Variants in PDE10A observed in about 807,000 individuals in gnomAD.
The protein encoded by PDE10A is cAMP and cAMP-inhibited cGMP 3',5'-cyclic phosphodiesterase 10A.
In PDE10A, 39 loss-of-function variants were observed where a neutral mutation model predicts 97.7. The observed-to-expected ratio is 0.40, with a 90% confidence interval of 0.31 to 0.52. The LOEUF (loss-of-function observed/expected upper bound fraction) is 0.52. Among genes scored for constraint, PDE10A ranks in the 20% least tolerant of loss-of-function variants. PDE10A has a pLI of 0.56. For missense variants in PDE10A, 731 were observed against 1,047.8 expected, an observed-to-expected ratio of 0.70 and a Z score of 4.17; for synonymous variants, 371 against 376.8, an observed-to-expected ratio of 0.98 and a Z score of 0.18.
At chr6:165,771,146 T>C (rs1384137553) in intron 1 of PDE10A, among the ~76,000 whole-genome samples, 1 of 152,252 alleles carries the variant, frequency 6.6e-6, no homozygotes, top group Non-Finnish European at 1.5e-5. Context: ...GGGCACCAAA[T>C]AGTCTCTGCC....
chr6:165,379,463 C>T, intron 17 of PDE10A, 97 bp from the exon 18 acceptor site: 1 of 897,366 alleles, frequency 1.1e-6, no homozygotes, highest in Non-Finnish European at 1.6e-6. Flanking sequence ...CAGTCAATGA[C>T]ATCTGGCACA....
intron 1 of PDE10A, among the ~76,000 whole-genome samples, chr6:165,926,543 G>A (rs974061172): frequency 5.9e-5 from 9 of 152,196 alleles, no homozygotes; most frequent in Non-Finnish European, 1.3e-4. Context: ...AAACCCTAAC[G>A]GTTAGATTGG....
intron 1 of PDE10A, among the ~76,000 whole-genome samples, chr6:165,682,507 G>A (rs934984260): frequency 6.6e-6 from 1 of 152,094 alleles, no homozygotes; most frequent in South Asian, 2.1e-4. Flanking sequence ...AGGTGATAAG[G>A]TCGTGAAGGT....
chr6:165,548,404 T>C (rs147661988), intron 1 of PDE10A, among the ~76,000 whole-genome samples: 2 of 151,482 alleles, frequency 1.3e-5, no homozygotes, highest in African/African-American at 2.4e-5. Context: ...GGTCCAATAA[T>C]ATTCCCTCCA....
intron 2 of PDE10A, among the ~76,000 whole-genome samples, chr6:165,532,288 G>T (rs1048056701): frequency 6.6e-6 from 1 of 151,180 alleles, no homozygotes; most frequent in African/African-American, 2.4e-5. Context: ...TCTCCATAAG[G>T]AGAATAGATA....
chr6:165,462,708 G>C (rs893467063), intron 3 of PDE10A, among the ~76,000 whole-genome samples: 1 of 152,186 alleles, frequency 6.6e-6, no homozygotes, highest in African/African-American at 2.4e-5. Context: ...AAGAAAACCT[G>C]AGGAAAGCAG....
chr6:165,741,561 G>A (rs59935967), intron 1 of PDE10A, among the ~76,000 whole-genome samples: 1 of 152,044 alleles, frequency 6.6e-6, no homozygotes, highest in African/African-American at 2.4e-5. Flanking sequence ...TTGAATATGA[G>A]CATACCCGTC....
At chr6:165,573,235 T>G (rs1233867206) in intron 1 of PDE10A, among the ~76,000 whole-genome samples, 3 of 151,506 alleles carry the variant, frequency 2.0e-5, no homozygotes, top group Non-Finnish European at 4.4e-5. Context: ...GACTTTTCAC[T>G]ATGATGACAA....
chr6:165,877,845 C>A (rs1266976886), intron 1 of PDE10A, among the ~76,000 whole-genome samples: 2 of 152,102 alleles, frequency 1.3e-5, no homozygotes, highest in African/African-American at 4.8e-5. Flanking sequence ...ACCAAACAAC[C>A]CTCTGAGGAA....
At chr6:165,910,504 A>G (rs1441228824) in intron 1 of PDE10A, among the ~76,000 whole-genome samples, 2 of 152,234 alleles carry the variant, frequency 1.3e-5, no homozygotes, top group African/African-American at 4.8e-5. Flanking sequence ...CAATACTGCC[A>G]GAATAAAAAC....
At chr6:165,794,500 TCA>T (rs1479962418) in intron 1 of PDE10A, among the ~76,000 whole-genome samples, 2 of 144,560 alleles carry the variant, frequency 1.4e-5, no homozygotes, top group African/African-American at 2.5e-5. Context: ...CACTACACAC[TCA>T]CATGCTCACT....
chr6:165,901,806 A>T (rs1782116055), intron 1 of PDE10A, among the ~76,000 whole-genome samples: 1 of 152,102 alleles, frequency 6.6e-6, no homozygotes, highest in Non-Finnish European at 1.5e-5. Context: ...ATCTCAAAAA[A>T]AAAAAGAAAA....
At chr6:165,959,793 G>A (rs970741411) in intron 1 of PDE10A, among the ~76,000 whole-genome samples, 1 of 152,088 alleles carries the variant, frequency 6.6e-6, no homozygotes, top group Non-Finnish European at 1.5e-5. Context: ...CTGACAGAGA[G>A]ATCTCGCCTG....
chr6:165,460,429 A>C (rs1463166370), intron 3 of PDE10A, among the ~76,000 whole-genome samples: 1 of 152,214 alleles, frequency 6.6e-6, no homozygotes, highest in Non-Finnish European at 1.5e-5. Context: ...TTAAATGAAC[A>C]GGAGGATTTG....
chr6:165,918,268 C>T (rs748524695), intron 1 of PDE10A, among the ~76,000 whole-genome samples: 2 of 152,116 alleles, frequency 1.3e-5, no homozygotes, highest in African/African-American at 2.4e-5. Flanking sequence ...TTCATATGTG[C>T]CCTCCCTCTC....
intron 1 of PDE10A, among the ~76,000 whole-genome samples, chr6:165,576,051 G>A (rs781590800): frequency 6.6e-6 from 1 of 151,482 alleles, no homozygotes; most frequent in Admixed American, 6.6e-5. Flanking sequence ...GGTAAAGCAG[G>A]TCATTTAGCC....
intron 18 of PDE10A, among the ~76,000 whole-genome samples, chr6:165,352,597 T>C (rs993285130): frequency 1.3e-5 from 2 of 151,874 alleles, no homozygotes; most frequent in African/African-American, 4.8e-5. Context: ...ATTTTAAAAG[T>C]TATAGTTCCA....
Position 165,366,379 on chromosome 6 carries a change from T to C in PDE10A, c.2783+12815A>G, listed in dbSNP as rs2128196520. The stretch of plus-strand genomic sequence containing the variant: ...ACCTTAAAAAGCCAAGAGACTAAAA[T>C]AAAACTTTTCAGCTGATAAAGAGTA... On this transcript the variant is annotated intron_variant, in intron 18 of 21. Coordinates refer to ENST00000539869, the MANE Select transcript of PDE10A (RefSeq NM_001385079.1). Among the ~76,000 whole-genome samples, 2 of 152,178 alleles carry C rather than the reference T, an allele frequency of 1.3e-5. 1 individual carries two copies. The highest frequency in any genetic ancestry group is 4.1e-4 in the South Asian group (2 of 4,832).
chr6:165,853,096 G>A (rs1780618012), intron 1 of PDE10A, among the ~76,000 whole-genome samples: 1 of 152,208 alleles, frequency 6.6e-6, no homozygotes, highest in African/African-American at 2.4e-5. Flanking sequence ...TCTGAACACG[G>A]TATCTGCTGT....
Sources: allele counts gnomAD v4.1 joint callset (sites outside exome capture counted in the v4.1 genomes callset), GRCh38; gene constraint gnomAD v4.1.1; transcripts MANE v1.5; gene names NCBI Gene and HGNC (gene_info 2026-07-23, HGNC 2026-07-21).